Variants in CENPQ observed in about 807,000 individuals in gnomAD.
CENPQ encodes the protein chromosome 6 open reading frame 139.
In CENPQ, 27 loss-of-function variants were observed where a neutral mutation model predicts 36.6. The ratio of observed to expected loss-of-function variants is 0.74; its 90% confidence interval spans 0.54 to 1.02. CENPQ has a LOEUF of 1.02. Among genes scored for constraint, CENPQ ranks in the 50% least tolerant of loss-of-function variants. The pLI, the probability that CENPQ is intolerant of heterozygous loss-of-function variation, is 0.00. For synonymous variants in CENPQ, 101 were observed against 101.7 expected, an observed-to-expected ratio of 0.99 and a Z score of 0.04; for missense variants, 306 against 301.8, an observed-to-expected ratio of 1.01 and a Z score of -0.10.
intron 8 of CENPQ, 98 bp from the exon 9 acceptor site, chr6:49,492,046 A>G (rs1428991976): frequency 3.4e-6 from 3 of 883,326 alleles, no homozygotes; most frequent in Non-Finnish European, 3.4e-6. Context: ...GTTGGATGAT[A>G]GATACTTAAG....
chr6:49,466,913 G>A (rs1468073460), intron 1 of CENPQ, among the ~76,000 whole-genome samples: 2 of 152,184 alleles, frequency 1.3e-5, no homozygotes, highest in East Asian at 3.9e-4. Context: ...TTGCAGGACT[G>A]CTCTTAACCA....
At chr6:49,477,146 A>G (rs534823878) in intron 5 of CENPQ, among the ~76,000 whole-genome samples, 11 of 152,184 alleles carry the variant, frequency 7.2e-5, no homozygotes, top group Non-Finnish European at 1.5e-4. Flanking sequence ...CACTATTCAC[A>G]ATAGCAAAGA....
chr6:49,480,959 A>T lies in CENPQ; in HGVS notation c.356A>T (p.Gln119Leu), dbSNP rs772503372. The stretch of plus-strand genomic sequence containing the variant: ...TTTATTTTATCCTTAAGATTGCTAC[A>T]ACAGTGTGAAACTCTGAAAGTCCCT... ...HLNFLKKRLL[Q>L]QCETLKVPPK... Residue 119 changes from glutamine to leucine, a missense_variant, in exon 6 of 9, where the codon CAA becomes CTA. Coordinates refer to ENST00000335783, the MANE Select transcript of CENPQ (RefSeq NM_018132.4). 8.8e-6 allele frequency: 14 copies of T among 1,594,676 alleles called. No individual in the cohort carries two copies. The highest frequency in any genetic ancestry group is 1.2e-5 in the Non-Finnish European group (14 of 1,169,432).
chr6:49,490,357 G>T (rs544980873), intron 8 of CENPQ, among the ~76,000 whole-genome samples: 70 of 152,238 alleles, frequency 4.6e-4, no homozygotes, highest in South Asian at 1.4e-3. Flanking sequence ...CTTTTCTTCT[G>T]CAACTTCCTC....
intron 3 of CENPQ, 40 bp downstream of exon 3, chr6:49,471,068 T>C: frequency 8.4e-7 from 1 of 1,187,918 alleles, no homozygotes; most frequent in Non-Finnish European, 1.2e-6. Flanking sequence ...TGCTTCTATA[T>C]CAAGCTATAT....
chr6:49,474,290 A>G (rs1031547951), intron 5 of CENPQ, among the ~76,000 whole-genome samples: 4 of 152,224 alleles, frequency 2.6e-5, no homozygotes, highest in Non-Finnish European at 5.9e-5. Context: ...CAGCAAATGC[A>G]AAAGAACAGA....
Position 49,472,803 on chromosome 6 carries a change from A to G in CENPQ, c.292A>G (p.Asn98Asp), listed in dbSNP as rs1409799990. 1 of 1,453,638 alleles carries G rather than the reference A, an allele frequency of 6.9e-7. No individual in the cohort carries two copies. The highest frequency in any genetic ancestry group is 9.3e-7 in the Non-Finnish European group (1 of 1,071,460). 90.0% of individuals were successfully genotyped at this position (1,453,638 alleles called of 1,614,324 possible). ...TTTCTTTTCTAGGACAATTTTGAGT[A>G]ACAGTATTAAAGAAAAAGAAGAAAT... ...MESVIMTILS[N>D]SIKEKEEIQY... The change falls in exon 5 of 9, where the codon AAC becomes GAC. Residue 98 changes from asparagine (N) to aspartate (D), a missense_variant. Physicochemically the swap from Asn to Asp is conservative, Grantham distance 23 (BLOSUM62 1). Transcript: ENST00000335783.
chr6:49,472,170 G>C lies in CENPQ; in HGVS notation c.265G>C (p.Glu89Gln). The C allele has an allele frequency of 6.2e-7, 1 of 1,610,752 alleles. No homozygotes were observed. The highest frequency in any genetic ancestry group is 8.5e-7 in the Non-Finnish European group (1 of 1,178,606). ...CAGAGACCATTTGCAAACTATGATG[G>C]AATCAGTAATAATGTGAGTATAAAA... ...STRDHLQTMM[E>Q]SVIMTILSNS... The change falls in exon 4 of 9, where the codon GAA becomes CAA. Residue 89 changes from glutamate (E) to glutamine (Q), a missense_variant. Physicochemically the swap from Glu to Gln is conservative, Grantham distance 29. Coordinates refer to ENST00000335783, the MANE Select transcript of CENPQ (RefSeq NM_018132.4).
In CENPQ at chr6:49,491,775, TGTG is replaced by T. The variant is rs550312799; in HGVS notation, c.676-364_676-362del. ...TACTAAAAATACAAAATTAGCCAGG[TGTG>T]GTGGCACATGCCTGTAATCCCAGCT... On this transcript the variant is annotated intron_variant, in intron 8 of 8. Coordinates refer to ENST00000335783, the MANE Select transcript of CENPQ (RefSeq NM_018132.4). Among the ~76,000 whole-genome samples the T allele has an allele frequency of 1.4e-3, 210 of 152,104 alleles. 1 individual carries two copies. The highest frequency in any genetic ancestry group is 4.8e-3 in the African/African-American group (201 of 41,514).
At chr6:49,470,889 A>T (rs1768116222) in intron 2 of CENPQ, 85 bp from the exon 3 acceptor site, 1 of 686,422 alleles carries the variant, frequency 1.5e-6, no homozygotes, top group East Asian at 2.9e-5. Context: ...ACTCTTTGAC[A>T]TATATAAAAA....
chr6:49,483,480 C>G (rs890140563), intron 6 of CENPQ, among the ~76,000 whole-genome samples: 1 of 152,114 alleles, frequency 6.6e-6, no homozygotes, highest in African/African-American at 2.4e-5. Flanking sequence ...GGGCGGCGCT[C>G]ATGGGGGAGG....
intron 5 of CENPQ, among the ~76,000 whole-genome samples, chr6:49,477,922 TGTTTA>T (rs1161812649): frequency 6.6e-6 from 1 of 152,206 alleles, no homozygotes; most frequent in Admixed American, 6.5e-5. Flanking sequence ...CAAATACTAA[TGTTTA>T]GTTTATGAAT....
rs1768415877 is a variant in CENPQ, at chr6:49,481,036, A to G, written c.433A>G (p.Arg145Gly). 1 of 1,611,048 alleles carries G rather than the reference A, an allele frequency of 6.2e-7. No homozygotes were observed. Among genetic ancestry groups the G allele is most frequent in the African/African-American group, 1.3e-5 (1 of 74,944 alleles). The change falls in exon 6 of 9, where the codon AGG becomes GGG. Residue 145 changes from arginine (R) to glycine (G), a missense_variant. Physicochemically the swap from Arg to Gly is moderately radical, Grantham distance 125. Coordinates refer to ENST00000335783, the MANE Select transcript of CENPQ (RefSeq NM_018132.4). Reference sequence around the variant, plus strand: ...TGTATCAAGTCTACTGAATATGGAAAGGGCACGAGACAAAGCTAATGAAGA... The same window carrying G: ...TGTATCAAGTCTACTGAATATGGAAGGGGCACGAGACAAAGCTAATGAAGA... ...TNVSSLLNME[R>G]ARDKANEEGL...
Position 49,472,751 on chromosome 6 carries a change from A to T in CENPQ, c.279-39A>T, listed in dbSNP as rs1438093391. ...AGTACAAAGAGTATATGATTTGTGC[A>T]TCAGACTACTATTTATTCCATCTTT... On this transcript the variant is annotated intron_variant, in intron 4 of 8. Coordinates refer to ENST00000335783, the MANE Select transcript of CENPQ (RefSeq NM_018132.4). 2.9e-6 allele frequency: 4 copies of T among 1,387,450 alleles called. No homozygotes were observed. In the South Asian group the frequency reaches 5.8e-5, roughly 20 times the overall value. The allele number at this position is 1,387,450 out of a possible 1,614,324, so 85.9% of individuals were successfully genotyped here.
At chr6:49,467,782 C>A (rs1215712146) in intron 1 of CENPQ, among the ~76,000 whole-genome samples, 1 of 152,006 alleles carries the variant, frequency 6.6e-6, no homozygotes, top group Non-Finnish European at 1.5e-5. Context: ...GAGCCACAGA[C>A]TTAGAGAGAA....
chr6:49,484,816 CT>C (rs1203387755), intron 6 of CENPQ, among the ~76,000 whole-genome samples: 14 of 152,262 alleles, frequency 9.2e-5, no homozygotes, highest in African/African-American at 2.6e-4. Flanking sequence ...TTTAGGGCAT[CT>C]TTTCAGTATT....
At chr6:49,464,189 T>C (rs901778478) in intron 1 of CENPQ, among the ~76,000 whole-genome samples, 1 of 152,164 alleles carries the variant, frequency 6.6e-6, no homozygotes, top group Non-Finnish European at 1.5e-5. Context: ...TGTCACACGA[T>C]TTTTTTGGTT....
intron 6 of CENPQ, among the ~76,000 whole-genome samples, chr6:49,484,221 G>A (rs1244752695): frequency 2.0e-5 from 3 of 152,172 alleles, no homozygotes. Context: ...ATGACTTAGA[G>A]TATGACCTAA....
chr6:49,484,731 G>T (rs1768535598), intron 6 of CENPQ, among the ~76,000 whole-genome samples: 1 of 152,126 alleles, frequency 6.6e-6, no homozygotes, highest in Non-Finnish European at 1.5e-5. Context: ...TAATAGGGCG[G>T]CATTTTTTGG....
Sources: allele counts gnomAD v4.1 joint callset (sites outside exome capture counted in the v4.1 genomes callset), GRCh38; gene constraint gnomAD v4.1.1; transcripts MANE v1.5; gene names NCBI Gene and HGNC (gene_info 2026-07-23, HGNC 2026-07-21).